KCNIP4: variants seen among roughly 807,000 people sequenced by gnomAD.
The protein encoded by KCNIP4 is potassium voltage-gated channel interacting protein 4, also known as Kv channel-interacting protein 4.
In KCNIP4, 12 loss-of-function variants were observed where a neutral mutation model predicts 34.0. That is an observed-to-expected ratio of 0.35 (90% CI 0.23 to 0.57). KCNIP4 has a LOEUF of 0.57. KCNIP4 is among the 20% of genes least tolerant of loss of function. KCNIP4 has a pLI of 0.83. For synonymous variants in KCNIP4, 124 were observed against 102.2 expected (o/e 1.21, Z -1.29); for missense variants, 238 against 311.7 (o/e 0.76, Z 1.78).
intron 1 of KCNIP4, among the ~76,000 whole-genome samples, chr4:20,997,647 A>C (rs1156671873): frequency 6.6e-6 from 1 of 152,178 alleles, no homozygotes; most frequent in African/African-American, 2.4e-5. Flanking sequence ...TGCCCTTAGC[A>C]TGCTTCTCTC....
chr4:21,033,603 C>T (rs867513456), intron 1 of KCNIP4, among the ~76,000 whole-genome samples: 2 of 151,960 alleles, frequency 1.3e-5, no homozygotes, highest in African/African-American at 4.8e-5. Flanking sequence ...AAAGTATGAA[C>T]ATGGAATTCA....
chr4:21,778,236 C>CTTTTTTTT (rs71655659), intron 1 of KCNIP4, among the ~76,000 whole-genome samples: 2 of 25,756 alleles, frequency 7.8e-5, no homozygotes, highest in African/African-American at 3.2e-4. Context: ...TTTTTTTTTT[C>CTTTTTTTT]TTTTTTTTTT....
chr4:21,309,332 G>GAA (rs1712866053), intron 1 of KCNIP4, among the ~76,000 whole-genome samples: 4 of 152,080 alleles, frequency 2.6e-5, no homozygotes, highest in Admixed American at 1.3e-4. Flanking sequence ...TCATTCAATT[G>GAA]CTAAAGTTGT....
intron 1 of KCNIP4, among the ~76,000 whole-genome samples, chr4:21,179,163 A>G (rs1218503725): frequency 6.6e-6 from 1 of 152,112 alleles, no homozygotes; most frequent in Non-Finnish European, 1.5e-5. Flanking sequence ...TTCATCTTTA[A>G]GGAATTTGGA....
chr4:20,732,202 C>T, intron 7 of KCNIP4, 134 bp from the exon 8 acceptor site: 1 of 639,172 alleles, frequency 1.6e-6, no homozygotes. Flanking sequence ...TGTTTCAGAG[C>T]AGGAACCAGC....
At chr4:21,192,412 A>G (rs1004912484) in intron 1 of KCNIP4, among the ~76,000 whole-genome samples, 4 of 152,224 alleles carry the variant, frequency 2.6e-5, no homozygotes, top group African/African-American at 4.8e-5. Flanking sequence ...ACGTAAGTGC[A>G]CAAAATCTTA....
intron 1 of KCNIP4, among the ~76,000 whole-genome samples, chr4:21,722,783 A>G (rs1714913592): frequency 6.6e-6 from 1 of 152,064 alleles, no homozygotes; most frequent in South Asian, 2.1e-4. Context: ...CTGCCATTTT[A>G]CTGTGCATAT....
chr4:21,582,848 T>C (rs1306266630), intron 1 of KCNIP4, among the ~76,000 whole-genome samples: 2 of 151,916 alleles, frequency 1.3e-5, no homozygotes, highest in Non-Finnish European at 2.9e-5. Flanking sequence ...AGCTAGTCAC[T>C]CAAGCATGAA....
chr4:21,286,622 T>G (rs77248544), intron 1 of KCNIP4, among the ~76,000 whole-genome samples: 69 of 152,276 alleles, frequency 4.5e-4, no homozygotes, highest in African/African-American at 1.5e-3. Context: ...CGCTGTAAAT[T>G]TATTTTCATT....
intron 1 of KCNIP4, among the ~76,000 whole-genome samples, chr4:21,946,300 T>A (rs1730508992): frequency 6.6e-6 from 1 of 152,128 alleles, no homozygotes; most frequent in Admixed American, 6.6e-5. Context: ...GATCTTCCAG[T>A]TAAATTTTGC....
intron 1 of KCNIP4, among the ~76,000 whole-genome samples, chr4:21,649,480 CCTCTCTTGG>C (rs1164683296): frequency 6.6e-6 from 1 of 152,010 alleles, no homozygotes; most frequent in Non-Finnish European, 1.5e-5. Context: ...AAAATAAGTA[CCTCTCTTGG>C]GTGGTAAAGG....
intron 1 of KCNIP4, among the ~76,000 whole-genome samples, chr4:21,650,231 G>T (rs1747376232): frequency 6.6e-6 from 1 of 152,200 alleles, no homozygotes; most frequent in Admixed American, 6.5e-5. Context: ...TGCATGTTCT[G>T]CTAATTTTGG....
In KCNIP4 at chr4:21,192,915, T is replaced by TCTACTA. The variant is rs576122943; in HGVS notation, c.62-310212_62-310207dup. The stretch of plus-strand genomic sequence containing the variant: ...CACCCCCCAGCCCTGCCGCCCCGTC[T>TCTACTA]CTACTACTACTACTACTACTACTAC... On this transcript the variant is annotated intron_variant, in intron 1 of 8. Coordinates refer to ENST00000382152, the MANE Select transcript of KCNIP4 (RefSeq NM_025221.6). Among the ~76,000 whole-genome samples, 404 of 94,292 alleles carry TCTACTA rather than the reference T, an allele frequency of 4.3e-3. 2 individuals are homozygous for TCTACTA. Among genetic ancestry groups the TCTACTA allele is most frequent in the African/African-American group, 0.021 (314 of 14,622 alleles). The allele number at this position is 94,292 out of a possible 152,430, so 61.9% of individuals were successfully genotyped here.
rs1577642512 is a variant in KCNIP4, at chr4:21,073,031, C to A, written c.62-190322G>T. Among the ~76,000 whole-genome samples, 4 of 152,258 alleles carry A rather than the reference C, an allele frequency of 2.6e-5. No homozygotes were observed. In the East Asian group the frequency reaches 7.7e-4, roughly 29 times the overall value. On this transcript the variant is annotated intron_variant, in intron 1 of 8. Coordinates refer to ENST00000382152, the MANE Select transcript of KCNIP4 (RefSeq NM_025221.6). ...TCTCTGTTTTGGTACAAGTGCCATG[C>A]TGTTTTAGTTGCTGTAGCCTTGTAG...
chr4:21,315,077 G>C (rs1181476059), intron 1 of KCNIP4, among the ~76,000 whole-genome samples: 1 of 152,210 alleles, frequency 6.6e-6, no homozygotes, highest in African/African-American at 2.4e-5. Context: ...ACACAGCTTT[G>C]GGTAAATACC....
intron 1 of KCNIP4, among the ~76,000 whole-genome samples, chr4:21,146,609 G>A (rs56348374): frequency 0.028 from 4,301 of 152,150 alleles, 82 homozygotes; most frequent in Non-Finnish European, 0.046. Flanking sequence ...TTCCCGAATA[G>A]CAACCCATAG....
At chr4:21,190,092 G>A (rs368502425) in intron 1 of KCNIP4, among the ~76,000 whole-genome samples, 4 of 152,302 alleles carry the variant, frequency 2.6e-5, no homozygotes, top group Non-Finnish European at 4.4e-5. Flanking sequence ...GATGGCCGTG[G>A]CCATTTCCCA....
intron 1 of KCNIP4, among the ~76,000 whole-genome samples, chr4:21,375,589 CAG>C (rs1720887378): frequency 6.9e-6 from 1 of 145,466 alleles, no homozygotes; most frequent in Non-Finnish European, 1.5e-5. Flanking sequence ...TTTTTTGAGA[CAG>C]AGTCTCGCTC....
rs147257076 is a variant in KCNIP4, at chr4:21,042,280, C to T, written c.62-159571G>A. On this transcript the variant is annotated intron_variant, in intron 1 of 8. Transcript: ENST00000382152. ...ACTCACAATAGCTAAGATATGGAAT[C>T]AACCTAAGTGTCTATCAACAGATGA... Among the ~76,000 whole-genome samples the T allele has an allele frequency of 7.6e-4, 116 of 152,296 alleles. 1 individual carries two copies. Among genetic ancestry groups the T allele is most frequent in the African/African-American group, 2.6e-3 (109 of 41,570 alleles).
Sources: gnomAD v4.1 joint callset for allele counts (sites outside exome capture counted in the v4.1 genomes callset) on GRCh38, gnomAD v4.1.1 for gene constraint, MANE v1.5 for transcripts, NCBI Gene and HGNC (gene_info 2026-07-23, HGNC 2026-07-21) for gene names.